Variants in GALNT1 observed in about 807,000 individuals in gnomAD.
GALNT1 encodes the protein polypeptide N-acetylgalactosaminyltransferase 1.
A neutral mutation model predicts 65.7 loss-of-function variants in GALNT1; 17 were observed. That is an observed-to-expected ratio of 0.26 (90% CI 0.18 to 0.39). GALNT1 has a LOEUF of 0.39. GALNT1 is among the 10% of genes least tolerant of loss of function. The pLI is 1.00. For missense variants in GALNT1, 460 were observed against 672.8 expected, an observed-to-expected ratio of 0.68 and a Z score of 3.50; for synonymous variants, 210 against 219.7, an observed-to-expected ratio of 0.96 and a Z score of 0.39.
intron 1 of GALNT1, among the ~76,000 whole-genome samples, chr18:35,589,989 A>T (rs1158325941): frequency 6.6e-6 from 1 of 152,204 alleles, no homozygotes; most frequent in Non-Finnish European, 1.5e-5. Flanking sequence ...GGTGAGTGCC[A>T]GTTTGCCATC....
At chr18:35,676,906 C>T (rs2047718979) in intron 3 of GALNT1, among the ~76,000 whole-genome samples, 1 of 152,124 alleles carries the variant, frequency 6.6e-6, no homozygotes, top group South Asian at 2.1e-4. Context: ...GTGTGCATAT[C>T]TTTTGAGTGT....
At chr18:35,691,434 A>G (rs545842750) in intron 8 of GALNT1, among the ~76,000 whole-genome samples, 1 of 152,320 alleles carries the variant, frequency 6.6e-6, no homozygotes, top group East Asian at 1.9e-4. Context: ...GGTTTTGCAG[A>G]TGTTCTATTT....
intron 2 of GALNT1, among the ~76,000 whole-genome samples, chr18:35,658,711 T>C (rs886308796): frequency 2.8e-5 from 4 of 141,810 alleles, no homozygotes; most frequent in Admixed American, 7.0e-5. Context: ...AAGTTTCTCT[T>C]TTTTTTTTTT....
chr18:35,642,025 T>C (rs1425081740), intron 1 of GALNT1, among the ~76,000 whole-genome samples: 1 of 152,236 alleles, frequency 6.6e-6, no homozygotes, highest in Non-Finnish European at 1.5e-5. Context: ...GATGCTTTCA[T>C]GGTACAACAC....
chr18:35,629,962 G>A (rs1279329131), intron 1 of GALNT1, among the ~76,000 whole-genome samples: 2 of 152,118 alleles, frequency 1.3e-5, no homozygotes, highest in Non-Finnish European at 2.9e-5. Context: ...GACAAAGAAG[G>A]CCATTACATA....
Position 35,691,200 on chromosome 18 carries a change from T to C in GALNT1, c.1159+8T>C. 1 of 1,589,882 alleles carries C rather than the reference T, an allele frequency of 6.3e-7. No homozygotes were observed. The highest frequency in any genetic ancestry group is 1.8e-5 in the Admixed American group (1 of 55,072). On this transcript the variant is annotated splice_region_variant and intron_variant, in intron 8 of 11. Coordinates refer to ENST00000269195, the MANE Select transcript of GALNT1 (RefSeq NM_020474.4). ...TCTATATAATTTCTCCAGGTTAGCG[T>C]TGTTTTGCATTAGAAATACAAGGCT...
chr18:35,599,922 A>G (rs1275282030), intron 1 of GALNT1, among the ~76,000 whole-genome samples: 1 of 152,180 alleles, frequency 6.6e-6, no homozygotes, highest in Non-Finnish European at 1.5e-5. Flanking sequence ...TGTTTTGGTT[A>G]CTATGGCTTT....
chr18:35,700,613 T>C (rs2048145047), intron 9 of GALNT1, among the ~76,000 whole-genome samples: 2 of 152,288 alleles, frequency 1.3e-5, no homozygotes, highest in Admixed American at 1.3e-4. Context: ...GAATTAGTTA[T>C]AGGAATCTTG....
intron 1 of GALNT1, among the ~76,000 whole-genome samples, chr18:35,638,291 TGG>T (rs2047118343): frequency 6.6e-6 from 1 of 151,866 alleles, no homozygotes; most frequent in South Asian, 2.1e-4. Flanking sequence ...CCAGTGAGAG[TGG>T]GCTAGGAGAC....
intron 2 of GALNT1, among the ~76,000 whole-genome samples, chr18:35,662,473 G>A (rs1276324494): frequency 1.3e-5 from 2 of 152,140 alleles, no homozygotes; most frequent in African/African-American, 4.8e-5. Flanking sequence ...ATATCCTGCA[G>A]CTCTGGTATT....
Position 35,663,486 on chromosome 18 carries a change from G to GGTTA in GALNT1, c.140-141_140-138dup. The GGTTA allele has an allele frequency of 1.0e-5, 8 of 790,150 alleles. No individual in the cohort carries two copies. In the South Asian group the frequency reaches 1.3e-4, roughly 13 times the overall value. 48.9% of individuals were successfully genotyped at this position (790,150 alleles called of 1,614,324 possible). A position where few individuals can be genotyped will look rare whatever the true frequency, so the allele number is the denominator to read the frequency against. ...AGAGGACAAGACAGCCCCTTGAAAG[G>GGTTA]GTTAACAGCCTAGGAGAGGGTGGGC... On this transcript the variant is annotated intron_variant, in intron 2 of 11. Coordinates refer to ENST00000269195, the MANE Select transcript of GALNT1 (RefSeq NM_020474.4).
chr18:35,592,865 T>C (rs12962202), intron 1 of GALNT1, among the ~76,000 whole-genome samples: 18,037 of 152,174 alleles, frequency 0.12, 1,145 homozygotes, highest in Admixed American at 0.19. Flanking sequence ...ATGTTACCCC[T>C]CTCTGTTTAT....
intron 1 of GALNT1, among the ~76,000 whole-genome samples, chr18:35,609,892 G>A (rs1316138333): frequency 1.3e-5 from 2 of 152,210 alleles, no homozygotes; most frequent in East Asian, 3.9e-4. Flanking sequence ...CTAGGATTTG[G>A]TTGTTCTTCA....
intron 2 of GALNT1, among the ~76,000 whole-genome samples, chr18:35,659,705 T>C (rs1005776230): frequency 5.3e-5 from 8 of 152,224 alleles, no homozygotes; most frequent in East Asian, 3.8e-4. Context: ...CATGTACTTA[T>C]GCTGGAATTA....
At chr18:35,708,491 CATGAAA>C (rs779135855) in intron 11 of GALNT1, among the ~76,000 whole-genome samples, 1 of 152,082 alleles carries the variant, frequency 6.6e-6, no homozygotes, top group Non-Finnish European at 1.5e-5. Flanking sequence ...AAAAAGGCCT[CATGAAA>C]ATGAAATGTT....
At chr18:35,628,263 T>G (rs771908710) in intron 1 of GALNT1, among the ~76,000 whole-genome samples, 3 of 152,160 alleles carry the variant, frequency 2.0e-5, no homozygotes, top group Non-Finnish European at 2.9e-5. Flanking sequence ...ATGGACAGAC[T>G]GCCTCCTCAA....
At chr18:35,694,752 ACTC>A (rs1449135560) in intron 9 of GALNT1, among the ~76,000 whole-genome samples, 4 of 151,806 alleles carry the variant, frequency 2.6e-5, no homozygotes, top group Admixed American at 6.6e-5. Flanking sequence ...AAAGTAAAAA[ACTC>A]CTCCTTCTTG....
intron 1 of GALNT1, among the ~76,000 whole-genome samples, chr18:35,653,137 T>C (rs970251789): frequency 2.0e-5 from 3 of 152,192 alleles, no homozygotes; most frequent in Non-Finnish European, 4.4e-5. Context: ...GTATCAGGTA[T>C]TGAGTAAGCA....
At chr18:35,657,632 A>T (rs1449157019) in intron 2 of GALNT1, among the ~76,000 whole-genome samples, 1 of 152,164 alleles carries the variant, frequency 6.6e-6, no homozygotes, top group Non-Finnish European at 1.5e-5. Flanking sequence ...AGTAGGTCAT[A>T]GAAGCCCAGC....
Sources: allele counts gnomAD v4.1 joint callset (sites outside exome capture counted in the v4.1 genomes callset), GRCh38; gene constraint gnomAD v4.1.1; transcripts MANE v1.5; gene names NCBI Gene and HGNC (gene_info 2026-07-23, HGNC 2026-07-21).